The following UNC79 variants were observed in gnomAD, a reference collection of about 807,000 sequenced individuals.
UNC79 encodes unc-79 subunit of NALCN channel complex.
UNC79 carries 37 observed loss-of-function variants against 283.1 expected under a neutral mutation model. The observed-to-expected ratio is 0.13, with a 90% CI of 0.10 to 0.17. UNC79 has a LOEUF of 0.17. Ranked by LOEUF, UNC79 falls within the 10% of genes least tolerant of loss-of-function variation. The pLI is 1.00. For synonymous variants in UNC79, 1,107 were observed against 1,200.2 expected (o/e 0.92, Z 1.61); for missense variants, 2,272 against 3,211.1 (o/e 0.71, Z 7.07).
chr14:93,467,709 C>T (rs2057286172), exon 2 of UNC79: 5 of 1,291,910 alleles, frequency 3.9e-6, no homozygotes, highest in African/African-American at 1.8e-5. Flanking sequence ...ATATCATAAC[C>T]GGGTTCTCCA....
At chr14:93,361,510 CAA>C (rs35635849) in intron 1 of UNC79, among the ~76,000 whole-genome samples, 2,391 of 138,606 alleles carry the variant, frequency 0.017, 57 homozygotes, top group African/African-American at 0.051. Context: ...GACACTATCT[CAA>C]AAAAAAAAAA....
At chr14:93,607,175 A>G (rs561089100) in intron 26 of UNC79, among the ~76,000 whole-genome samples, 8 of 152,182 alleles carry the variant, frequency 5.3e-5, no homozygotes, top group African/African-American at 4.8e-5. Flanking sequence ...TAGAATACTG[A>G]TGAAGATTAA....
chr14:93,618,635 T>G (rs1415676909), intron 29 of UNC79, among the ~76,000 whole-genome samples: 2 of 152,242 alleles, frequency 1.3e-5, no homozygotes, highest in African/African-American at 4.8e-5. Context: ...AAGCCTTTTC[T>G]TACGTGTTAG....
intron 1 of UNC79, among the ~76,000 whole-genome samples, chr14:93,357,330 A>G (rs1566889262): frequency 6.6e-6 from 1 of 152,104 alleles, no homozygotes; most frequent in Non-Finnish European, 1.5e-5. Context: ...GGATTGAAGG[A>G]TGCAAAGTAT....
Position 93,526,586 on chromosome 14 carries a change from A to G in UNC79, c.964-1972A>G, listed in dbSNP as rs548863631. On this transcript the variant is annotated intron_variant, in intron 8 of 48. Coordinates refer to ENST00000555664, the Ensembl canonical transcript of UNC79. ...AAAGCCTCTACATTGGGCATATGTC[A>G]TATTTATAAACAAAAAAATCCACTT... Among the ~76,000 whole-genome samples the G allele has an allele frequency of 9.9e-5, 15 of 152,264 alleles. No homozygotes were observed. In the East Asian group the frequency reaches 2.7e-3, roughly 27 times the overall value.
chr14:93,411,143 C>A (rs995187249), intron 1 of UNC79, among the ~76,000 whole-genome samples: 3 of 152,022 alleles, frequency 2.0e-5, no homozygotes, highest in African/African-American at 7.2e-5. Flanking sequence ...AGCTCTTGGG[C>A]CTTAAGGGAG....
At chr14:93,667,984 A>G (rs187853295) in intron 40 of UNC79, among the ~76,000 whole-genome samples, 1 of 152,326 alleles carries the variant, frequency 6.6e-6, no homozygotes, top group East Asian at 1.9e-4. Context: ...TTATCAAACT[A>G]GGAATAGAAG....
intron 27 of UNC79, among the ~76,000 whole-genome samples, chr14:93,616,177 A>C (rs907612479): frequency 1.3e-5 from 2 of 152,130 alleles, no homozygotes; most frequent in African/African-American, 2.4e-5. Context: ...GTAGTTATAC[A>C]AACAGTATTT....
chr14:93,660,573 G>GTT (rs1566879194), intron 39 of UNC79, among the ~76,000 whole-genome samples: 2 of 117,170 alleles, frequency 1.7e-5, no homozygotes, highest in Non-Finnish European at 3.4e-5. Context: ...ATGTGTGTGT[G>GTT]TGTGTGTTCA....
chr14:93,459,674 CTTT>C (rs34182907), intron 1 of UNC79, among the ~76,000 whole-genome samples: 6 of 90,680 alleles, frequency 6.6e-5, no homozygotes, highest in Admixed American at 1.2e-4. Flanking sequence ...GTTTATTCAA[CTTT>C]TTTTTTTTTT....
At chr14:93,653,901 CA>C in intron 36 of UNC79, 38 bp from the exon 40 acceptor site, 2 of 1,614,078 alleles carry the variant, frequency 1.2e-6, no homozygotes, top group Non-Finnish European at 1.7e-6. Flanking sequence ...TGCCTCATCC[CA>C]GACACCCAAA....
chr14:93,430,902 AG>A lies in UNC79; in HGVS notation c.-125del, dbSNP rs2055846611. The A allele has an allele frequency of 2.7e-6, 1 of 367,628 alleles. No homozygotes were observed. The highest frequency in any genetic ancestry group is 5.0e-6 in the Non-Finnish European group (1 of 200,072). The allele number at this position is 367,628 out of a possible 1,614,324, so 22.8% of individuals were successfully genotyped here. A position where few individuals can be genotyped will look rare whatever the true frequency, so the allele number is the denominator to read the frequency against. On this transcript the variant is annotated 5_prime_UTR_variant, in exon 1 of 49. Transcript: ENST00000555664. The surrounding 1 kb of genome is among the most constrained non-coding windows in gnomAD (Gnocchi z 4.6). Reference sequence around the variant, plus strand: ...TCCGAATGGTAGCGACACGGGCCTAAGGGAGGGGGAAAGCGAGGGGGTGGGG... The same window carrying A: ...TCCGAATGGTAGCGACACGGGCCTAAGGAGGGGGAAAGCGAGGGGGTGGGG...
intron 38 of UNC79, 118 bp downstream of exon 41, chr14:93,655,525 C>T (rs1052794886): frequency 2.3e-5 from 29 of 1,242,022 alleles, no homozygotes; most frequent in South Asian, 7.5e-5. Flanking sequence ...GAGGAAACTC[C>T]GTCAGCCATG....
chr14:93,577,974 C>G, exon 18 of UNC79: 2 of 1,614,128 alleles, frequency 1.2e-6, no homozygotes, highest in Non-Finnish European at 1.7e-6. Context: ...TTTTGGACAC[C>G]CAGGAGGAAG....
At chr14:93,496,776 C>T (rs78118176) in intron 6 of UNC79, among the ~76,000 whole-genome samples, 1,709 of 152,278 alleles carry the variant, frequency 0.011, 34 homozygotes, top group African/African-American at 0.039. Context: ...AATGTGTCCT[C>T]TTTCAAATAG....
At chr14:93,449,249 C>T (rs2056558033) in intron 1 of UNC79, among the ~76,000 whole-genome samples, 2 of 152,158 alleles carry the variant, frequency 1.3e-5, no homozygotes, top group Admixed American at 1.3e-4. Flanking sequence ...TGCCACTGTC[C>T]TCTTTCCAGA....
intron 1 of UNC79, among the ~76,000 whole-genome samples, chr14:93,410,234 C>T (rs2055307563): frequency 6.6e-6 from 1 of 152,228 alleles, no homozygotes; most frequent in African/African-American, 2.4e-5. Flanking sequence ...AGGCTGAACT[C>T]AGCTGACGTC....
Position 93,551,474 on chromosome 14 carries a change from T to G in UNC79, c.1755+8778T>G, listed in dbSNP as rs2061896754. On this transcript the variant is annotated intron_variant, in intron 14 of 48. Coordinates refer to ENST00000555664, the Ensembl canonical transcript of UNC79. ...GCAAAGCTGGTTGTGATGGTTGTCT[T>G]GAGTTATGGGTCACCTGCTGGTCTG... Among the ~76,000 whole-genome samples, 3 of 152,260 alleles carry G rather than the reference T, an allele frequency of 2.0e-5. No homozygotes were observed. The South Asian group carries it at 6.2e-4, about 32-fold the overall frequency.
intron 1 of UNC79, among the ~76,000 whole-genome samples, chr14:93,365,124 G>A (rs755806422): frequency 6.6e-6 from 1 of 151,964 alleles, no homozygotes; most frequent in African/African-American, 2.4e-5. Flanking sequence ...GGTGACTCAC[G>A]CCTGTAATCC....
Sources: allele counts gnomAD v4.1 joint callset (sites outside exome capture counted in the v4.1 genomes callset), GRCh38; gene constraint gnomAD v4.1.1; non-coding constraint Gnocchi (gnomAD v3.1); transcripts MANE v1.5; gene names NCBI Gene and HGNC (gene_info 2026-07-23, HGNC 2026-07-21).